The following MRTFA variants were observed in gnomAD, a reference collection of about 807,000 sequenced individuals.
MRTFA encodes the protein myocardin related transcription factor A, also known as myocardin-related transcription factor A.
A neutral mutation model predicts 83.5 loss-of-function variants in MRTFA; 20 were observed. That is an observed-to-expected ratio of 0.24 (90% confidence interval 0.17 to 0.35). MRTFA has a LOEUF of 0.35. Ranked by LOEUF, MRTFA falls within the 10% of genes least tolerant of loss-of-function variation. MRTFA has a pLI of 1.00. For synonymous variants in MRTFA, 659 were observed against 541.2 expected (o/e 1.22, Z -3.02); for missense variants, 1,200 against 1,224.7 (o/e 0.98, Z 0.30).
chr22:40,503,943 C>T (rs1263986910), intron 3 of MRTFA, among the ~76,000 whole-genome samples: 1 of 151,752 alleles, frequency 6.6e-6, no homozygotes, highest in Non-Finnish European at 1.5e-5. Flanking sequence ...AAAAAATTCC[C>T]AGGATACTTA....
chr22:40,607,077 A>C (rs981629008), intron 1 of MRTFA, among the ~76,000 whole-genome samples: 3 of 152,254 alleles, frequency 2.0e-5, no homozygotes, highest in Non-Finnish European at 4.4e-5. Flanking sequence ...ATAGAAAATT[A>C]GTTTCTTCCA....
chr22:40,604,231 C>G (rs1417923730), intron 1 of MRTFA, among the ~76,000 whole-genome samples: 1 of 151,324 alleles, frequency 6.6e-6, no homozygotes, highest in Admixed American at 6.6e-5. Context: ...CCCAGGTTCA[C>G]GCCATTCTCC....
intron 2 of MRTFA, among the ~76,000 whole-genome samples, chr22:40,585,965 T>C (rs751373457): frequency 9.2e-5 from 14 of 152,202 alleles, no homozygotes; most frequent in Admixed American, 2.6e-4. Flanking sequence ...AACGAGCAGA[T>C]TGCACTGCAC....
rs2147070287 is a variant in MRTFA, at chr22:40,419,530, C to A, written c.1354-146G>T. 4.3e-6 allele frequency: 3 copies of A among 693,388 alleles called. 1 individual carries two copies. In the South Asian group the frequency reaches 5.1e-5, roughly 12 times the overall value. 43.0% of individuals were successfully genotyped at this position (693,388 alleles called of 1,614,324 possible). A position where few individuals can be genotyped will look rare whatever the true frequency, so the allele number is the denominator to read the frequency against. The stretch of plus-strand genomic sequence containing the variant: ...CAGCAGCCTGGAGGGTGCAATGCCC[C>A]CCACCACCTGAGCCAACAGCATCCT... On this transcript the variant is annotated intron_variant, in intron 11 of 14. Coordinates refer to ENST00000355630, the MANE Select transcript of MRTFA (RefSeq NM_020831.6).
chr22:40,561,377 G>A (rs557994264), intron 2 of MRTFA, among the ~76,000 whole-genome samples: 6 of 151,910 alleles, frequency 3.9e-5, no homozygotes, highest in Non-Finnish European at 8.8e-5. Context: ...TGTAGTCCCA[G>A]CTACTCGGGA....
chr22:40,508,299 C>G (rs1384023966), intron 3 of MRTFA, among the ~76,000 whole-genome samples: 1 of 151,850 alleles, frequency 6.6e-6, no homozygotes, highest in East Asian at 1.9e-4. Context: ...CATTTGAGGT[C>G]AGGAGTTCAA....
chr22:40,474,087 T>C (rs548466927), intron 3 of MRTFA, among the ~76,000 whole-genome samples: 6 of 152,338 alleles, frequency 3.9e-5, no homozygotes, highest in South Asian at 2.1e-4. Context: ...ACAAAAGTAA[T>C]TGAGGCTTTT....
chr22:40,444,618 A>G lies in MRTFA; in HGVS notation c.308-9064T>C, dbSNP rs369735725. ...CATGGAGCCCAAAGGAAATGGCACG[A>G]TATTTCTCACGTGCTATTAAGGATT... is the stretch of plus-strand genomic sequence containing the variant. On this transcript the variant is annotated intron_variant, in intron 4 of 14. Transcript: ENST00000355630. Among the ~76,000 whole-genome samples the G allele has an allele frequency of 2.6e-5, 4 of 152,330 alleles. No homozygotes were observed. The East Asian group carries it at 5.8e-4, about 22-fold the overall frequency.
chr22:40,507,972 CAAAAAAAAAAAAAAAAA>C (rs11315930), intron 3 of MRTFA, among the ~76,000 whole-genome samples: 9 of 37,510 alleles, frequency 2.4e-4, no homozygotes, highest in Admixed American at 9.4e-4. Context: ...GACTCCACCT[CAAAAAAAAAAAAAAAAA>C]AAAAAAAAAA....
chr22:40,411,575 C>T lies in MRTFA; in HGVS notation c.2911G>A (p.Glu971Lys), dbSNP rs891260740. ...TCCAGGCCCATGGTGCTGCTGGGCT[C>T]AGGAACAAAGTGCAATTCCGAGGTG... The change falls in exon 15 of 15, where the codon GAG becomes AAG. Residue 971 changes from glutamate (E) to lysine (K), a missense_variant. Transcript: ENST00000355630. 6.2e-7 allele frequency: 1 copy of T among 1,613,740 alleles called. No homozygotes were observed. The highest frequency in any genetic ancestry group is 1.3e-5 in the African/African-American group (1 of 74,922).
chr22:40,568,434 G>T (rs563185274), intron 2 of MRTFA, among the ~76,000 whole-genome samples: 13 of 152,112 alleles, frequency 8.5e-5, no homozygotes, highest in African/African-American at 3.1e-4. Context: ...GAAATACAAC[G>T]AATCTTGACA....
intron 3 of MRTFA, among the ~76,000 whole-genome samples, chr22:40,513,191 A>G (rs902088683): frequency 6.6e-5 from 10 of 152,244 alleles, no homozygotes; most frequent in African/African-American, 2.2e-4. Context: ...AATCTCTCAC[A>G]AAAAGTGTCA....
chr22:40,464,321 A>C (rs1458663256), intron 3 of MRTFA, among the ~76,000 whole-genome samples: 1 of 150,638 alleles, frequency 6.6e-6, no homozygotes, highest in African/African-American at 2.4e-5. Context: ...AAAAAAAAAA[A>C]AAAAAAAAAA....
At chr22:40,492,672 CACA>C (rs1453904924) in intron 3 of MRTFA, among the ~76,000 whole-genome samples, 1 of 152,142 alleles carries the variant, frequency 6.6e-6, no homozygotes, top group Non-Finnish European at 1.5e-5. Flanking sequence ...GGAGCTATAA[CACA>C]ACATTATTTT....
chr22:40,459,822 C>CACATATATATAT (rs1308675939), intron 4 of MRTFA, among the ~76,000 whole-genome samples: 1 of 68,254 alleles, frequency 1.5e-5, no homozygotes, highest in African/African-American at 6.5e-5. Flanking sequence ...CACACACACA[C>CACATATATATAT]ATATATACAT....
intron 9 of MRTFA, among the ~76,000 whole-genome samples, chr22:40,423,043 G>A (rs2052875006): frequency 6.6e-6 from 1 of 152,176 alleles, no homozygotes; most frequent in African/African-American, 2.4e-5. Flanking sequence ...GAATTTAACA[G>A]CAGACACCTC....
intron 3 of MRTFA, among the ~76,000 whole-genome samples, chr22:40,466,307 C>T (rs141906497): frequency 4.3e-4 from 65 of 152,306 alleles, no homozygotes; most frequent in African/African-American, 1.3e-3. Context: ...ATGCTTTTAA[C>T]TTATTTAATC....
At chr22:40,436,673 G>C (rs190739334) in intron 4 of MRTFA, among the ~76,000 whole-genome samples, 13 of 152,128 alleles carry the variant, frequency 8.5e-5, no homozygotes, top group African/African-American at 3.1e-4. Context: ...AGCAACTTAA[G>C]ACACTCTGAG....
At chr22:40,539,724 G>A (rs966824599) in intron 3 of MRTFA, among the ~76,000 whole-genome samples, 4 of 151,758 alleles carry the variant, frequency 2.6e-5, no homozygotes, top group African/African-American at 9.7e-5. Context: ...GGATGGTCTC[G>A]ATCTCTTGAC....
Sources: allele counts gnomAD v4.1 joint callset (sites outside exome capture counted in the v4.1 genomes callset), GRCh38; gene constraint gnomAD v4.1.1; transcripts MANE v1.5; gene names NCBI Gene and HGNC (gene_info 2026-07-23, HGNC 2026-07-21).